The following MYOM1 variants were observed in gnomAD, a reference collection of about 807,000 sequenced individuals.
MYOM1 encodes the protein myomesin-1.
Under a neutral mutation model 205.3 loss-of-function variants are expected in MYOM1, and 164 were observed. The ratio of observed to expected loss-of-function variants is 0.80; its 90% CI spans 0.70 to 0.91. MYOM1 has a LOEUF of 0.91. MYOM1 is among the 40% of genes least tolerant of loss of function. The pLI is 0.00. For synonymous variants in MYOM1, 772 were observed against 789.4 expected (o/e 0.98, Z 0.37); for missense variants, 2,011 against 2,127.3 (o/e 0.95, Z 1.08).
chr18:3,100,058 A>G, intron 25 of MYOM1, 101 bp downstream of exon 25: 1 of 1,191,026 alleles, frequency 8.4e-7, no homozygotes, highest in Non-Finnish European at 1.2e-6. Context: ...TGTTCTCAAG[A>G]GTCTCTCTCT....
Position 3,089,539 on chromosome 18 carries a change from T to A in MYOM1, c.4067A>T (p.Gln1356Leu). The A allele has an allele frequency of 6.2e-7, 1 of 1,606,764 alleles. No individual in the cohort carries two copies. Among genetic ancestry groups the A allele is most frequent in the African/African-American group, 1.3e-5 (1 of 74,998 alleles). Reference protein sequence around the residue: ...EFQRQEWIRKQGPHFVEYLSW... With the variant: ...EFQRQEWIRKLGPHFVEYLSW... ...CTTTATCCACGGCCTATTTTTACCT[T>A]GTTTCCTGATCCATTCTTGCCGCTG... The change falls in exon 28 of 38, where the codon CAA (glutamine) becomes CTA (leucine). Residue 1356 changes from glutamine to leucine, a missense_variant and splice_region_variant. Physicochemically the swap from Gln to Leu is moderately radical, Grantham distance 113 (BLOSUM62 -2). Transcript: ENST00000356443.
intron 37 of MYOM1, among the ~76,000 whole-genome samples, chr18:3,067,810 A>G (rs969665376): frequency 4.6e-5 from 7 of 152,186 alleles, no homozygotes; most frequent in Non-Finnish European, 7.3e-5. Context: ...AATGCTTATT[A>G]TCAAAAACAC....
chr18:3,240,005 G>T, the MYOM1 span, among the ~76,000 whole-genome samples: 4 of 151,934 alleles, frequency 2.6e-5, no homozygotes, highest in African/African-American at 9.7e-5. Context: ...GAATAAAGTG[G>T]GCACTATTAT....
At chr18:3,095,250 C>T (rs187983983) in intron 25 of MYOM1, among the ~76,000 whole-genome samples, 1 of 152,152 alleles carries the variant, frequency 6.6e-6, no homozygotes, top group East Asian at 1.9e-4. Context: ...GTGTCCCTCA[C>T]CTGCTAACAT....
At chr18:3,162,103 T>G (rs1430299512) in intron 10 of MYOM1, among the ~76,000 whole-genome samples, 1 of 152,222 alleles carries the variant, frequency 6.6e-6, no homozygotes, top group African/African-American at 2.4e-5. Flanking sequence ...AATGAGCTAG[T>G]CTACCTGCAT....
intron 31 of MYOM1, 29 bp downstream of exon 31, chr18:3,085,016 A>C (rs2079133006): frequency 6.5e-7 from 1 of 1,543,294 alleles, no homozygotes; most frequent in Non-Finnish European, 8.9e-7. Context: ...GAAACACACA[A>C]GACAGACCCC....
chr18:3,206,507 A>G (rs2081125192), intron 2 of MYOM1, among the ~76,000 whole-genome samples: 2 of 152,138 alleles, frequency 1.3e-5, no homozygotes, highest in African/African-American at 2.4e-5. Context: ...GGGAATTTGC[A>G]TTCTCTTTTC....
At chr18:3,235,447 C>T in the MYOM1 span, among the ~76,000 whole-genome samples, 1 of 152,208 alleles carries the variant, frequency 6.6e-6, no homozygotes, top group Non-Finnish European at 1.5e-5. Context: ...TAATCCCATA[C>T]TTAAAATGTA....
chr18:3,218,724 T>G (rs2081298170), intron 1 of MYOM1, among the ~76,000 whole-genome samples: 1 of 152,236 alleles, frequency 6.6e-6, no homozygotes. Flanking sequence ...ATTTGAATGA[T>G]TTTTCAAATA....
upstream of MYOM1, among the ~76,000 whole-genome samples, chr18:3,220,685 G>T (rs1271607028): frequency 1.3e-5 from 2 of 152,180 alleles, no homozygotes; most frequent in Non-Finnish European, 2.9e-5. Flanking sequence ...ACCAGATCTA[G>T]ATCCCACTAT....
At chr18:3,150,599 T>C (rs2080204658) in intron 12 of MYOM1, among the ~76,000 whole-genome samples, 2 of 152,122 alleles carry the variant, frequency 1.3e-5, no homozygotes, top group African/African-American at 4.8e-5. Flanking sequence ...AACAAAGAAT[T>C]ACTGGCCTAA....
chr18:3,112,698 CAG>C (rs1223721553), intron 21 of MYOM1, among the ~76,000 whole-genome samples: 1 of 152,172 alleles, frequency 6.6e-6, no homozygotes, highest in African/African-American at 2.4e-5. Flanking sequence ...ACATCAGAAA[CAG>C]AGACTAGTGT....
chr18:3,207,021 A>C (rs1375644644), intron 2 of MYOM1, among the ~76,000 whole-genome samples: 1 of 152,158 alleles, frequency 6.6e-6, no homozygotes, highest in Non-Finnish European at 1.5e-5. Context: ...AAACTATTTA[A>C]ATAGGAATAT....
In MYOM1 at chr18:3,129,266, A is replaced by T; in HGVS notation, c.2760T>A (p.Ser920Arg). The T allele has an allele frequency of 6.2e-7, 1 of 1,613,966 alleles. No homozygotes were observed. Among genetic ancestry groups the T allele is most frequent in the Non-Finnish European group, 8.5e-7 (1 of 1,179,850 alleles). ...TCTTCTTTTTCAGGGGGTCAGACTT[A>T]CTTTTCCCCTGAGGAGCCGCTTTCT... The part of the protein sequence containing the change: ...PPQKAAPQGK[S>R]KSDPLKKKTD... The change falls in exon 18 of 38, where the codon AGT (serine) becomes AGA (arginine). Residue 920 changes from serine to arginine, a missense_variant. Physicochemically the swap from Ser to Arg is moderately radical, Grantham distance 110 (BLOSUM62 -1). Transcript: ENST00000356443.
At chr18:3,243,800 A>G in the MYOM1 span, among the ~76,000 whole-genome samples, 1 of 152,156 alleles carries the variant, frequency 6.6e-6, no homozygotes, top group Non-Finnish European at 1.5e-5. Context: ...TGTCTATCTC[A>G]CAGGGTTGTT....
chr18:3,115,719 T>C (rs2079594969), intron 21 of MYOM1, among the ~76,000 whole-genome samples: 1 of 152,144 alleles, frequency 6.6e-6, no homozygotes, highest in Admixed American at 6.5e-5. Context: ...AAATGAGAGA[T>C]TTGGTGGCTA....
intron 19 of MYOM1, among the ~76,000 whole-genome samples, chr18:3,120,384 A>C (rs1373888918): frequency 1.3e-5 from 2 of 152,312 alleles, no homozygotes; most frequent in East Asian, 3.9e-4. Context: ...ACATGGTGCC[A>C]ATGGCCTTGA....
the MYOM1 span, among the ~76,000 whole-genome samples, chr18:3,229,762 G>A: frequency 1.3e-5 from 2 of 152,102 alleles, no homozygotes; most frequent in Non-Finnish European, 2.9e-5. Flanking sequence ...CTGAGGTCGA[G>A]AGTTCAAGAC....
chr18:3,122,128 G>GAA (rs1396807501), intron 19 of MYOM1, among the ~76,000 whole-genome samples: 3 of 149,816 alleles, frequency 2.0e-5, no homozygotes, highest in African/African-American at 7.4e-5. Context: ...CAAAAAAAGA[G>GAA]AAAGAAACAC....
Sources: gnomAD v4.1 joint callset for allele counts (sites outside exome capture counted in the v4.1 genomes callset) on GRCh38, gnomAD v4.1.1 for gene constraint, MANE v1.5 for transcripts, NCBI Gene and HGNC (gene_info 2026-07-23, HGNC 2026-07-21) for gene names.